PPP6R1: variants seen among roughly 807,000 people sequenced by gnomAD.
PPP6R1 encodes serine/threonine-protein phosphatase 6 regulatory subunit 1.
A neutral mutation model predicts 104.6 loss-of-function variants in PPP6R1; 39 were observed. The observed-to-expected ratio is 0.37, with a 90% CI of 0.29 to 0.49. The LOEUF is 0.49. PPP6R1 is among the 20% of genes least tolerant of loss of function. The pLI is 0.98. For synonymous variants in PPP6R1, 549 were observed against 479.0 expected (o/e 1.15, Z -1.91); for missense variants, 1,181 against 1,155.8 (o/e 1.02, Z -0.32).
At chr19:55,247,883 G>A (rs1010059202) in intron 1 of PPP6R1, among the ~76,000 whole-genome samples, 5 of 152,242 alleles carry the variant, frequency 3.3e-5, no homozygotes, top group African/African-American at 1.2e-4. Flanking sequence ...AGGAACCCAG[G>A]GTGGGATAGA....
intron 1 of PPP6R1, among the ~76,000 whole-genome samples, chr19:55,257,023 TC>T (rs1242571872): frequency 1.4e-5 from 2 of 144,268 alleles, no homozygotes; most frequent in African/African-American, 5.2e-5. Context: ...TGGCAAAAGA[TC>T]CTCTAACAAT....
intron 17 of PPP6R1, chr19:55,232,918 A>G (rs1249047149): frequency 6.6e-6 from 1 of 152,362 alleles, no homozygotes; most frequent in Non-Finnish European, 1.5e-5. Flanking sequence ...AACATTCTAG[A>G]GTGCACTTAC....
chr19:55,250,238 C>T (rs2087542878), intron 1 of PPP6R1, among the ~76,000 whole-genome samples: 1 of 152,224 alleles, frequency 6.6e-6, no homozygotes, highest in Non-Finnish European at 1.5e-5. Flanking sequence ...ACTCTCACAA[C>T]CACCCTCCAG....
chr19:55,239,142 G>A, intron 15 of PPP6R1: 3 of 486,432 alleles, frequency 6.2e-6, no homozygotes, highest in Admixed American at 3.3e-5. Flanking sequence ...TGTGTCCCCA[G>A]CACAGAAGAT....
intron 10 of PPP6R1, 91 bp downstream of exon 10, chr19:55,240,854 T>C (rs1568946589): frequency 4.0e-5 from 59 of 1,485,040 alleles, no homozygotes; most frequent in Non-Finnish European, 5.2e-5. Context: ...CAAACACTTG[T>C]GGGAGGAAGG....
chr19:55,233,822 G>A (rs563987194), intron 17 of PPP6R1, among the ~76,000 whole-genome samples: 1 of 152,330 alleles, frequency 6.6e-6, no homozygotes, highest in Admixed American at 6.5e-5. Context: ...ATTAGAAGAC[G>A]CAAGGTGGCT....
At position 55,230,953 on chromosome 19, in the gene PPP6R1, C is replaced by T. The variant is rs1382552644; in HGVS notation, c.2460-69G>A. 3.7e-6 allele frequency: 5 copies of T among 1,335,546 alleles called. No homozygotes were observed. The Admixed American group carries it at 5.5e-5, about 15-fold the overall frequency. The allele number at this position is 1,335,546 out of a possible 1,614,324, so 82.7% of individuals were successfully genotyped here. Reference sequence around the variant, plus strand: ...GTCACCTGCTGACACCCTCACATCCCACCCGACTGAAGTCGGCTCACTGGG... The same window carrying T: ...GTCACCTGCTGACACCCTCACATCCTACCCGACTGAAGTCGGCTCACTGGG... On this transcript the variant is annotated intron_variant, in intron 21 of 23. Transcript: ENST00000412770.
chr19:55,242,306 G>T (rs778671038), intron 6 of PPP6R1, 27 bp from the exon 7 acceptor site: 2 of 1,613,380 alleles, frequency 1.2e-6, no homozygotes, highest in Non-Finnish European at 1.7e-6. Context: ...AGGGGTCAGG[G>T]TGAGGGGCCA....
rs1343775939 is a variant in PPP6R1 at position 55,258,805 on chromosome 19, T to G, written c.-377A>C. On this transcript the variant is annotated 5_prime_UTR_variant, in exon 1 of 24. Coordinates refer to ENST00000412770, the MANE Select transcript of PPP6R1 (RefSeq NM_014931.4). ...GCCTCAGCCGGGAAGACGGGGGAAG[T>G]TGCCCCGGTTTCCACAGTCCAACCG... The G allele has an allele frequency of 6.6e-6, 1 of 151,928 alleles. No individual in the cohort carries two copies. Among genetic ancestry groups the G allele is most frequent in the Non-Finnish European group, 1.5e-5 (1 of 67,948 alleles). 9.4% of individuals were successfully genotyped at this position (151,928 alleles called of 1,614,324 possible).
At chr19:55,252,190 C>A (rs540361434) in intron 1 of PPP6R1, among the ~76,000 whole-genome samples, 9 of 152,286 alleles carry the variant, frequency 5.9e-5, no homozygotes, top group Middle Eastern at 3.4e-3. Flanking sequence ...GTTTCCACAA[C>A]GTTGTGAATA....
intron 5 of PPP6R1, 146 bp downstream of exon 5, chr19:55,244,974 G>C: frequency 8.0e-7 from 1 of 1,250,950 alleles, no homozygotes; most frequent in South Asian, 1.4e-5. Flanking sequence ...ATGGGCTCAA[G>C]TAATCCTCCC....
At position 55,245,569 on chromosome 19, in the gene PPP6R1, T is replaced by C; in HGVS notation, c.337A>G (p.Thr113Ala). The C allele has an allele frequency of 6.2e-7, 1 of 1,612,392 alleles. No individual in the cohort carries two copies. The highest frequency in any genetic ancestry group is 1.1e-5 in the South Asian group (1 of 90,788). ...GCCAGCAGTGGGTTGAGGCTGCCGG[T>C]GCTCTGCAGGAAGCCGTAGAGCCGG... is the stretch of plus-strand genomic sequence containing the variant. ...LNRLYGFLQS[T>A]GSLNPLLASF... Residue 113 changes from threonine to alanine, a missense_variant, in exon 3 of 24, where the codon ACC becomes GCC. Thr to Ala is a moderately conservative substitution (Grantham distance 58). Around this residue, in one of 2 missense-constraint regions of PPP6R1, gnomAD observed 139 missense variants for 200.1 expected, o/e 0.69. Transcript: ENST00000412770. The surrounding 1 kb of genome is among the most constrained non-coding windows in gnomAD (Gnocchi z 6.4).
At position 55,241,617 on chromosome 19, in the gene PPP6R1, T is replaced by C. The variant is rs778592176; in HGVS notation, c.868A>G (p.Ser290Gly). The change falls in exon 8 of 24, where the codon AGC becomes GGC. Residue 290 changes from serine to glycine, a missense_variant. This residue lies in a region of PPP6R1 where 1,042 missense variants were observed against 955.6 expected (regional missense o/e 1.09). Transcript: ENST00000412770. The surrounding 1 kb of genome is among the most constrained non-coding windows in gnomAD (Gnocchi z 5.4). The part of the protein sequence containing the change: ...RPRSESVTVN[S>G]FFSSVDGQLE... Reference sequence around the variant, plus strand: ...TGCCCATCCACACTGCTGAAGAAGCTGTTCACGGTCACGGACTCGGACCTG... The same window carrying C: ...TGCCCATCCACACTGCTGAAGAAGCCGTTCACGGTCACGGACTCGGACCTG... The C allele has an allele frequency of 2.5e-6, 4 of 1,584,406 alleles. No individual in the cohort carries two copies. The highest frequency in any genetic ancestry group is 3.4e-6 in the Non-Finnish European group (4 of 1,166,834).
rs1193444096 is a variant in PPP6R1 at position 55,230,423 on chromosome 19, C to T, written c.*105G>A. The T allele has an allele frequency of 2.0e-6, 3 of 1,521,522 alleles. No individual in the cohort carries two copies. The highest frequency in any genetic ancestry group is 2.7e-6 in the Non-Finnish European group (3 of 1,112,132). The allele number at this position is 1,521,522 out of a possible 1,614,324, so 94.3% of individuals were successfully genotyped here. On this transcript the variant is annotated 3_prime_UTR_variant, in exon 24 of 24. Transcript: ENST00000412770. Reference sequence around the variant, plus strand: ...TCCAGAGGAGAGAATGTGGGGGTGTCAGGGTGATGAGGGCAATGGGGGCCA... The same window carrying T: ...TCCAGAGGAGAGAATGTGGGGGTGTTAGGGTGATGAGGGCAATGGGGGCCA...
intron 17 of PPP6R1, chr19:55,232,518 G>A (rs1249655972): frequency 8.0e-6 from 3 of 372,786 alleles, no homozygotes; most frequent in Non-Finnish European, 9.8e-6. Flanking sequence ...AACCAGAGCA[G>A]ACAGACCCAC....
chr19:55,242,133 C>A, intron 7 of PPP6R1, 33 bp downstream of exon 7: 2 of 1,589,760 alleles, frequency 1.3e-6, no homozygotes, highest in Non-Finnish European at 1.7e-6. Context: ...TGGGGATGGG[C>A]AGCATGCATG....
At position 55,231,588 on chromosome 19, in the gene PPP6R1, C is replaced by A. The variant is rs374809433; in HGVS notation, c.2377+10G>T. 2 of 1,608,642 alleles carry A rather than the reference C, an allele frequency of 1.2e-6. No individual in the cohort carries two copies. The highest frequency in any genetic ancestry group is 4.5e-5 in the East Asian group (2 of 44,758). ...AGGGCCGCGGGTGGGCAGGGCAAAG[C>A]GGGGCTCACCTGAGGGCTCCGTGAC... On this transcript the variant is annotated intron_variant, in intron 20 of 23. Coordinates refer to ENST00000412770, the MANE Select transcript of PPP6R1 (RefSeq NM_014931.4).
intron 15 of PPP6R1, among the ~76,000 whole-genome samples, chr19:55,238,504 G>A (rs1043855978): frequency 6.6e-6 from 1 of 151,874 alleles, no homozygotes; most frequent in Non-Finnish European, 1.5e-5. Context: ...TGAGCTCATC[G>A]TGGGGAGCAA....
intron 5 of PPP6R1, 61 bp from the exon 6 acceptor site, chr19:55,242,549 T>A (rs201069623): frequency 2.9e-5 from 41 of 1,415,052 alleles, no homozygotes; most frequent in Non-Finnish European, 5.0e-6. Context: ...TGCAGCCTGG[T>A]GCTGGGAGCC....
Sources: gnomAD v4.1 joint callset for allele counts (sites outside exome capture counted in the v4.1 genomes callset) on GRCh38, gnomAD v4.1.1 for gene constraint, gnomAD v4.1.1 regional missense constraint, Gnocchi (gnomAD v3.1) non-coding constraint, MANE v1.5 for transcripts, NCBI Gene and HGNC (gene_info 2026-07-23, HGNC 2026-07-21) for gene names.